HS3ST2: variants seen among roughly 807,000 people sequenced by gnomAD.
HS3ST2 encodes the protein heparan sulfate glucosamine 3-O-sulfotransferase 2.
In HS3ST2, 17 loss-of-function variants were observed where a neutral mutation model predicts 26.3. The ratio of observed to expected loss-of-function variants is 0.65; its 90% confidence interval spans 0.44 to 0.97. The LOEUF (loss-of-function observed/expected upper bound fraction) is 0.97, where lower values mean the gene tolerates loss of function less well. HS3ST2 is among the 50% of genes least tolerant of loss of function. HS3ST2 has a pLI of 0.00. For synonymous variants in HS3ST2, 237 were observed against 219.2 expected, an observed-to-expected ratio of 1.08 and a Z score of -0.72; for missense variants, 402 against 501.2, an observed-to-expected ratio of 0.80 and a Z score of 1.89.
At position 22,895,332 on chromosome 16, in the gene HS3ST2, C is replaced by T. The variant is rs535184221; in HGVS notation, c.486-19612C>T. 1.7e-4 allele frequency among the ~76,000 whole-genome samples: 26 copies of T among 152,254 alleles called. No individual in the cohort carries two copies. In the South Asian group the frequency reaches 5.2e-3, roughly 30 times the overall value. On this transcript the variant is annotated intron_variant, in intron 1 of 1. Coordinates refer to ENST00000261374, the MANE Select transcript of HS3ST2 (RefSeq NM_006043.2). ...CTTGAACTCCTGACCTCAGGTGATC[C>T]GCCTGCCTCAGCTTCCCAAAGTGCT...
At chr16:22,816,782 C>T (rs144113522) in intron 1 of HS3ST2, among the ~76,000 whole-genome samples, 50 of 152,362 alleles carry the variant, frequency 3.3e-4, no homozygotes, top group Middle Eastern at 3.4e-3. Context: ...GCCATGACCA[C>T]ATTCGAATGC....
chr16:22,875,758 G>A (rs1901906895), intron 1 of HS3ST2, among the ~76,000 whole-genome samples: 1 of 152,116 alleles, frequency 6.6e-6, no homozygotes, highest in African/African-American at 2.4e-5. Flanking sequence ...CCACTTACTG[G>A]TTCTCCCAGA....
intron 1 of HS3ST2, among the ~76,000 whole-genome samples, chr16:22,889,176 A>C (rs1197790380): frequency 2.6e-5 from 4 of 152,210 alleles, no homozygotes; most frequent in African/African-American, 9.6e-5. Context: ...ACTCACACAA[A>C]CACAGCCACA....
intron 1 of HS3ST2, among the ~76,000 whole-genome samples, chr16:22,828,915 G>A (rs1176963011): frequency 2.0e-5 from 3 of 152,126 alleles, no homozygotes; most frequent in Admixed American, 6.5e-5. Flanking sequence ...TCATGGAGAA[G>A]GAAAGAACTT....
intron 1 of HS3ST2, among the ~76,000 whole-genome samples, chr16:22,848,513 C>T (rs1033692227): frequency 2.1e-5 from 3 of 144,262 alleles, no homozygotes; most frequent in Non-Finnish European, 4.5e-5. Context: ...AAAGAACTTC[C>T]ATACAGCATT....
intron 1 of HS3ST2, among the ~76,000 whole-genome samples, chr16:22,860,471 T>A (rs1901659346): frequency 6.6e-6 from 1 of 152,204 alleles, no homozygotes; most frequent in Non-Finnish European, 1.5e-5. Flanking sequence ...TCACCCCGCA[T>A]ACACATCAGA....
At chr16:22,847,727 G>A (rs867177963) in intron 1 of HS3ST2, among the ~76,000 whole-genome samples, 7 of 151,216 alleles carry the variant, frequency 4.6e-5, no homozygotes, top group Admixed American at 2.0e-4. Flanking sequence ...TCAGGAGTAC[G>A]ATTAACTTTG....
intron 1 of HS3ST2, among the ~76,000 whole-genome samples, chr16:22,913,220 C>T (rs73546756): frequency 0.096 from 14,057 of 146,608 alleles, 1,533 homozygotes; most frequent in East Asian, 0.32. Flanking sequence ...GTAGTTCTAA[C>T]GCGCAGCCAG....
intron 1 of HS3ST2, among the ~76,000 whole-genome samples, chr16:22,892,970 T>C (rs1412823858): frequency 6.6e-6 from 1 of 152,246 alleles, no homozygotes; most frequent in Non-Finnish European, 1.5e-5. Flanking sequence ...AATTGATGTC[T>C]GTCGAACATT....
At chr16:22,858,076 C>CT (rs1212398488) in intron 1 of HS3ST2, among the ~76,000 whole-genome samples, 20 of 139,736 alleles carry the variant, frequency 1.4e-4, no homozygotes, top group Non-Finnish European at 1.5e-5. Context: ...CTTTTGCCCT[C>CT]TTTAAGAGCT....
At chr16:22,873,955 T>C (rs897981651) in intron 1 of HS3ST2, among the ~76,000 whole-genome samples, 27 of 152,180 alleles carry the variant, frequency 1.8e-4, no homozygotes, top group African/African-American at 6.3e-4. Flanking sequence ...CTGGGCTTAC[T>C]CAATGGAGAT....
chr16:22,887,388 G>A (rs529269069), intron 1 of HS3ST2, among the ~76,000 whole-genome samples: 1 of 152,320 alleles, frequency 6.6e-6, no homozygotes, highest in East Asian at 1.9e-4. Flanking sequence ...TCTTCTTGCT[G>A]TGTCCTCACA....
At chr16:22,842,718 A>T (rs1030526224) in intron 1 of HS3ST2, among the ~76,000 whole-genome samples, 2 of 152,084 alleles carry the variant, frequency 1.3e-5, no homozygotes, top group Admixed American at 1.3e-4. Context: ...TGTTAGACAC[A>T]TGTTACACCT....
intron 1 of HS3ST2, among the ~76,000 whole-genome samples, chr16:22,907,020 G>A (rs1902365713): frequency 6.6e-6 from 1 of 152,208 alleles, no homozygotes; most frequent in East Asian, 1.9e-4. Flanking sequence ...AGTGCCATGA[G>A]GTTACACAAA....
chr16:22,835,143 T>G (rs1901235883), intron 1 of HS3ST2, among the ~76,000 whole-genome samples: 1 of 152,146 alleles, frequency 6.6e-6, no homozygotes, highest in African/African-American at 2.4e-5. Flanking sequence ...TATTCGATTA[T>G]CAACATATTT....
intron 1 of HS3ST2, among the ~76,000 whole-genome samples, chr16:22,863,278 T>C (rs1328112123): frequency 6.6e-6 from 1 of 152,246 alleles, no homozygotes; most frequent in Non-Finnish European, 1.5e-5. Flanking sequence ...CTCATGACTG[T>C]GCTCATAAAA....
At chr16:22,882,638 C>G (rs541420476) in intron 1 of HS3ST2, among the ~76,000 whole-genome samples, 19 of 151,990 alleles carry the variant, frequency 1.3e-4, no homozygotes, top group African/African-American at 4.1e-4. Flanking sequence ...GGAGGCTGAG[C>G]CAGACTTGCT....
rs139730446 is a variant in HS3ST2, at chr16:22,837,446, C to T, written c.485+22351C>T. On this transcript the variant is annotated intron_variant, in intron 1 of 1. Transcript: ENST00000261374. ...ATCCCCAGTGGATGCCTGAAACTGC[C>T]GATAATACCAAACCCTATATATAAT... Among the ~76,000 whole-genome samples, 21 of 149,404 alleles carry T rather than the reference C, an allele frequency of 1.4e-4. No homozygotes were observed. In the East Asian group the frequency reaches 2.8e-3, roughly 20 times the overall value.
At chr16:22,884,027 A>G (rs988607800) in intron 1 of HS3ST2, among the ~76,000 whole-genome samples, 2 of 152,228 alleles carry the variant, frequency 1.3e-5, no homozygotes, top group East Asian at 1.9e-4. Flanking sequence ...TAAAGGCTCT[A>G]TCATTTTTCT....
Sources: gnomAD v4.1 joint callset for allele counts (sites outside exome capture counted in the v4.1 genomes callset) on GRCh38, gnomAD v4.1.1 for gene constraint, MANE v1.5 for transcripts, NCBI Gene and HGNC (gene_info 2026-07-23, HGNC 2026-07-21) for gene names.